Variants in IRF4 observed in about 807,000 individuals in gnomAD.
IRF4 encodes the protein lymphocyte-specific interferon regulatory factor.
In IRF4, 13 loss-of-function variants were observed where a neutral mutation model predicts 55.5. That is an observed-to-expected ratio of 0.23 (90% confidence interval 0.15 to 0.37). The LOEUF (loss-of-function observed/expected upper bound fraction) is 0.37. Among genes scored for constraint, IRF4 ranks in the 10% least tolerant of loss-of-function variants. The pLI is 1.00. For missense variants in IRF4, 397 were observed against 593.8 expected, an observed-to-expected ratio of 0.67 and a Z score of 3.44; for synonymous variants, 249 against 240.7, an observed-to-expected ratio of 1.03 and a Z score of -0.32.
chr6:398,633 G>C (rs1445647090), intron 5 of IRF4, among the ~76,000 whole-genome samples, 195 bp from the exon 6 acceptor site: 2 of 152,194 alleles, frequency 1.3e-5, no homozygotes, highest in African/African-American at 4.8e-5. Context: ...CATCAGCTTT[G>C]GTTTTCCAGT....
rs1366329847 is a variant in IRF4 at position 399,686 on chromosome 6, G to GC, written c.745+754dup. On this transcript the variant is annotated intron_variant, in intron 6 of 8. Transcript: ENST00000380956. Reference sequence around the variant, plus strand: ...GCTTAAGGTTTGGAATTCTCATCTTGCCCTCTGGCATCTTTAAAAATCAGT... The same window carrying GC: ...GCTTAAGGTTTGGAATTCTCATCTTGCCCCTCTGGCATCTTTAAAAATCAGT... 7.9e-5 allele frequency among the ~76,000 whole-genome samples: 12 copies of GC among 152,170 alleles called. No homozygotes were observed. In the East Asian group the frequency reaches 2.3e-3, roughly 29 times the overall value.
chr6:395,116 C>A, intron 3 of IRF4, 109 bp downstream of exon 3: 1 of 856,716 alleles, frequency 1.2e-6, no homozygotes, highest in Non-Finnish European at 1.8e-6. Context: ...TATTGCCTGC[C>A]TGCCTGCCTT....
chr6:392,467 C>T (rs1039910422), intron 1 of IRF4, among the ~76,000 whole-genome samples: 4 of 152,280 alleles, frequency 2.6e-5, no homozygotes, highest in Admixed American at 6.5e-5. Context: ...ATCCCCCGTA[C>T]TGGGGCTGCA....
chr6:393,970 A>G lies in IRF4; in HGVS notation c.216+602A>G, dbSNP rs898870120. On this transcript the variant is annotated intron_variant, in intron 2 of 8. Coordinates refer to ENST00000380956, the MANE Select transcript of IRF4 (RefSeq NM_002460.4). This position sits in a 1 kb window ranked among gnomAD's most constrained non-coding sequence, Gnocchi z 5.4. ...TCTTTCCCCCATCGCAGTGGAACTC[A>G]GGGCCTCTGTCTAGAGCTGTCTCCC... Among the ~76,000 whole-genome samples, 2 of 152,072 alleles carry G rather than the reference A, an allele frequency of 1.3e-5. No homozygotes were observed. The highest frequency in any genetic ancestry group is 3.9e-4 in the East Asian group (2 of 5,192).
chr6:411,306 T>A lies in IRF4; in HGVS notation c.*3708T>A, dbSNP rs1761695518. 4.4e-6 allele frequency: 1 copy of A among 225,172 alleles called. No individual in the cohort carries two copies. The highest frequency in any genetic ancestry group is 8.9e-6 in the Non-Finnish European group (1 of 112,766). The allele number at this position is 225,172 out of a possible 1,614,324, so 13.9% of individuals were successfully genotyped here. ...TGCTGAGATCTGTAGGAAAGGATGC[T>A]TCACAAACTGAGGTAGATAATGCTA... is the stretch of plus-strand genomic sequence containing the variant. On this transcript the variant is annotated 3_prime_UTR_variant, in exon 9 of 9. Coordinates refer to ENST00000380956, the MANE Select transcript of IRF4 (RefSeq NM_002460.4).
intron 7 of IRF4, 84 bp from the exon 8 acceptor site, chr6:404,934 A>G: frequency 1.2e-6 from 1 of 831,470 alleles, no homozygotes; most frequent in East Asian, 2.4e-5. Flanking sequence ...TCAGAATCAC[A>G]GTAAGCTCTT....
At chr6:396,023 C>G (rs1298749098) in intron 4 of IRF4, 88 bp downstream of exon 4, 2 of 1,020,894 alleles carry the variant, frequency 2.0e-6, no homozygotes, top group African/African-American at 1.6e-5. Flanking sequence ...GCCCAGACAG[C>G]AGAACTTGCC....
intron 6 of IRF4, among the ~76,000 whole-genome samples, chr6:401,072 A>G (rs550529594): frequency 1.3e-5 from 2 of 152,360 alleles, no homozygotes; most frequent in East Asian, 1.9e-4. Context: ...GTGATGCTCT[A>G]TAATAGGAAT....
Position 407,637 on chromosome 6 carries a change from T to TC in IRF4, c.*39_*40insC. On this transcript the variant is annotated 3_prime_UTR_variant, in exon 9 of 9. Transcript: ENST00000380956. ...GAGTGGTTTTCTTTTTCCTTTTTTT[T>TC]TTTTTTTTTTTGATACGGGGATACG... The TC allele has an allele frequency of 6.5e-7, 1 of 1,539,992 alleles. No individual in the cohort carries two copies. The highest frequency in any genetic ancestry group is 2.3e-5 in the East Asian group (1 of 43,784).
intron 1 of IRF4, among the ~76,000 whole-genome samples, chr6:392,171 G>A (rs2127435485): frequency 6.6e-6 from 1 of 152,382 alleles, no homozygotes; most frequent in African/African-American, 2.4e-5. Flanking sequence ...CTGCCTGCGA[G>A]AAACAGGCCC....
intron 6 of IRF4, among the ~76,000 whole-genome samples, chr6:400,475 C>A (rs1428924901): frequency 1.3e-5 from 2 of 152,138 alleles, no homozygotes; most frequent in Non-Finnish European, 2.9e-5. Context: ...TTTTAGAGTT[C>A]TTTTCAAACT....
At chr6:406,968 A>G (rs1426752333) in intron 8 of IRF4, 11 of 914,634 alleles carry the variant, frequency 1.2e-5, no homozygotes, top group Admixed American at 6.0e-5. Context: ...TTTTTCCACA[A>G]TAGTAGTTTT....
At chr6:396,247 G>A (rs560834031) in intron 4 of IRF4, among the ~76,000 whole-genome samples, 2 of 152,214 alleles carry the variant, frequency 1.3e-5, no homozygotes, top group Non-Finnish European at 2.9e-5. Flanking sequence ...GAAACCACAG[G>A]GCAGCTGATC....
In IRF4 at chr6:407,616, G is replaced by T. The variant is rs768122834; in HGVS notation, c.*18G>T. On this transcript the variant is annotated 3_prime_UTR_variant, in exon 9 of 9. Transcript: ENST00000380956. ...AAGAATGAAAAATGTCAAGATGAGT[G>T]GTTTTCTTTTTCCTTTTTTTTTTTT... 4.5e-6 allele frequency: 7 copies of T among 1,565,968 alleles called. No individual in the cohort carries two copies. The highest frequency in any genetic ancestry group is 6.0e-6 in the Non-Finnish European group (7 of 1,158,482).
intron 3 of IRF4, among the ~76,000 whole-genome samples, chr6:395,422 T>G (rs906796628): frequency 2.6e-5 from 4 of 152,236 alleles, no homozygotes; most frequent in African/African-American, 2.4e-5. Flanking sequence ...TGTCAACTTT[T>G]AAAGTGTAAC....
chr6:395,054 C>G (rs879608776), intron 3 of IRF4, 47 bp downstream of exon 3: 40 of 1,376,602 alleles, frequency 2.9e-5, no homozygotes, highest in Non-Finnish European at 4.0e-5. Context: ...GCAGCCAGAT[C>G]CTTGAGGCAC....
intron 7 of IRF4, among the ~76,000 whole-genome samples, chr6:404,063 G>A (rs1376497083): frequency 1.3e-5 from 2 of 151,838 alleles, no homozygotes; most frequent in African/African-American, 4.8e-5. Flanking sequence ...ATTCAGGTCT[G>A]CACAGCACTA....
chr6:401,483 TC>T lies in IRF4; in HGVS notation c.807del (p.Ser270AlafsTer39). On this transcript the variant is annotated frameshift_variant, in exon 7 of 9. Coordinates refer to ENST00000380956, the MANE Select transcript of IRF4 (RefSeq NM_002460.4). LOFTEE classifies it high-confidence loss of function. ...REILVKELTT[S>X]SPEGCRISHG... The stretch of plus-strand genomic sequence containing the variant: ...AATCCTCGTGAAGGAGCTGACCACG[TC>T]CAGCCCCGAGGGCTGCCGGATCTCC... 6.2e-7 allele frequency: 1 copy of T among 1,613,828 alleles called. No individual in the cohort carries two copies. Among genetic ancestry groups the T allele is most frequent in the Non-Finnish European group, 8.5e-7 (1 of 1,180,004 alleles).
intron 7 of IRF4, among the ~76,000 whole-genome samples, chr6:402,159 G>A (rs66922646): frequency 0.028 from 4,193 of 152,292 alleles, 94 homozygotes; most frequent in Middle Eastern, 0.054. Flanking sequence ...TGGTTGTCAG[G>A]TGTGTCACCC....
Sources: gnomAD v4.1 joint callset for allele counts (sites outside exome capture counted in the v4.1 genomes callset) on GRCh38, gnomAD v4.1.1 for gene constraint, Gnocchi (gnomAD v3.1) non-coding constraint, MANE v1.5 for transcripts, NCBI Gene and HGNC (gene_info 2026-07-23, HGNC 2026-07-21) for gene names.